The following PTPRD variants were observed in gnomAD, a reference collection of about 807,000 sequenced individuals.
The protein encoded by PTPRD is protein tyrosine phosphatase receptor type D.
Under a neutral mutation model 214.5 loss-of-function variants are expected in PTPRD, and 34 were observed. The ratio of observed to expected loss-of-function variants is 0.16; its 90% CI spans 0.12 to 0.21. The LOEUF is 0.21. Ranked by LOEUF, PTPRD falls within the 10% of genes least tolerant of loss-of-function variation. The probability of loss-of-function intolerance (pLI) is 1.00; values close to 1 mark genes in which losing one functional copy is unlikely to be tolerated. For synonymous variants in PTPRD, 1,128 were observed against 845.7 expected, an observed-to-expected ratio of 1.33 and a Z score of -5.79; for missense variants, 2,545 against 2,398.7, an observed-to-expected ratio of 1.06 and a Z score of -1.27.
intron 9 of PTPRD, among the ~76,000 whole-genome samples, chr9:9,227,532 A>G (rs2099960306): frequency 6.6e-6 from 1 of 152,140 alleles, no homozygotes; most frequent in Admixed American, 6.6e-5. Context: ...CCTCCCTATA[A>G]GAGACAAAGG....
intron 36 of PTPRD, among the ~76,000 whole-genome samples, chr9:8,396,523 C>CA (rs1442845629): frequency 1.3e-5 from 2 of 151,510 alleles, no homozygotes; most frequent in Non-Finnish European, 1.5e-5. Flanking sequence ...TTAAAAAAAA[C>CA]AAAAAAGCTC....
intron 5 of PTPRD, among the ~76,000 whole-genome samples, chr9:9,877,842 C>A: frequency 6.6e-6 from 1 of 151,594 alleles, no homozygotes; most frequent in African/African-American, 2.4e-5. Context: ...GCACGGTGGC[C>A]CATGCCTGTA....
At chr9:9,082,875 C>T (rs930468161) in intron 10 of PTPRD, among the ~76,000 whole-genome samples, 5 of 152,112 alleles carry the variant, frequency 3.3e-5, no homozygotes, top group Admixed American at 2.6e-4. Context: ...AGGAGAACTA[C>T]AAACCACTGC....
At chr9:8,403,249 G>A (rs996127542) in intron 36 of PTPRD, among the ~76,000 whole-genome samples, 3 of 152,132 alleles carry the variant, frequency 2.0e-5, no homozygotes, top group Non-Finnish European at 4.4e-5. Context: ...ACAGGTACTC[G>A]AACAACTACA....
At chr9:9,324,640 T>C (rs1268694230) in intron 9 of PTPRD, among the ~76,000 whole-genome samples, 1 of 152,208 alleles carries the variant, frequency 6.6e-6, no homozygotes, top group Non-Finnish European at 1.5e-5. Flanking sequence ...ATTCTGTAGG[T>C]TGCCTGTTCA....
chr9:9,884,086 G>A (rs2069844291), intron 5 of PTPRD, among the ~76,000 whole-genome samples: 1 of 151,922 alleles, frequency 6.6e-6, no homozygotes, highest in Non-Finnish European at 1.5e-5. Context: ...TGAACTAAAG[G>A]ATACGCAGTA....
intron 3 of PTPRD, among the ~76,000 whole-genome samples, chr9:10,199,406 G>C (rs1308408909): frequency 6.6e-6 from 1 of 152,006 alleles, no homozygotes. Context: ...TTTATGGGAA[G>C]TTTGACAGTA....
chr9:9,831,629 C>T (rs1376185035), intron 5 of PTPRD, among the ~76,000 whole-genome samples: 1 of 151,978 alleles, frequency 6.6e-6, no homozygotes, highest in Non-Finnish European at 1.5e-5. Flanking sequence ...CCAACTACCT[C>T]TCAATGTTCT....
chr9:8,832,394 G>T (rs6477358), intron 11 of PTPRD, among the ~76,000 whole-genome samples: 81,834 of 143,926 alleles, frequency 0.57, 24,456 homozygotes, highest in African/African-American at 0.73. Flanking sequence ...GTAAAGCAAG[G>T]GGCAGCTAAA....
At position 8,706,206 on chromosome 9, in the gene PTPRD, G is replaced by A. The variant is rs989189211; in HGVS notation, c.64+27574C>T. ...AAAAAGAAAACTGCCTCGTTTCCAA[G>A]GGATCTTGATCAAACCAAGCTTACT... is the stretch of plus-strand genomic sequence containing the variant. On this transcript the variant is annotated intron_variant, in intron 12 of 45. Coordinates refer to ENST00000381196, the MANE Select transcript of PTPRD (RefSeq NM_002839.4). 3.3e-5 allele frequency among the ~76,000 whole-genome samples: 5 copies of A among 152,202 alleles called. No homozygotes were observed. The South Asian group carries it at 6.2e-4, about 19-fold the overall frequency.
At chr9:9,988,216 G>T (rs572939807) in intron 4 of PTPRD, among the ~76,000 whole-genome samples, 1 of 152,200 alleles carries the variant, frequency 6.6e-6, no homozygotes, top group Non-Finnish European at 1.5e-5. Flanking sequence ...ATATGATAAA[G>T]CAAAACTTTT....
chr9:8,622,375 A>T (rs2154302110), intron 14 of PTPRD, among the ~76,000 whole-genome samples: 1 of 152,114 alleles, frequency 6.6e-6, no homozygotes, highest in South Asian at 2.1e-4. Context: ...CTTACATTTC[A>T]ACAAACCTTA....
chr9:10,435,976 C>T (rs1165325851), intron 2 of PTPRD, among the ~76,000 whole-genome samples: 1 of 151,738 alleles, frequency 6.6e-6, no homozygotes, highest in Non-Finnish European at 1.5e-5. Context: ...CACACAAATA[C>T]ACTGTACAGA....
chr9:10,180,972 C>A (rs965551664), intron 3 of PTPRD, among the ~76,000 whole-genome samples: 1 of 151,860 alleles, frequency 6.6e-6, no homozygotes, highest in Non-Finnish European at 1.5e-5. Context: ...AATGAATAAA[C>A]TTTAGAATTT....
chr9:9,947,379 T>TAAA (rs1240131838), intron 4 of PTPRD, among the ~76,000 whole-genome samples: 1 of 65,988 alleles, frequency 1.5e-5, no homozygotes, highest in Non-Finnish European at 2.6e-5. Flanking sequence ...ATATATTATA[T>TAAA]ATATTTTATA....
chr9:9,144,893 C>T (rs566096009), intron 10 of PTPRD, among the ~76,000 whole-genome samples: 43 of 152,238 alleles, frequency 2.8e-4, no homozygotes, highest in Admixed American at 7.8e-4. Flanking sequence ...TTAATTGCAT[C>T]TTTAAAGTAT....
intron 10 of PTPRD, among the ~76,000 whole-genome samples, chr9:9,046,866 G>T (rs1002356363): frequency 1.3e-5 from 2 of 151,934 alleles, no homozygotes; most frequent in Non-Finnish European, 2.9e-5. Flanking sequence ...ACATGACAAG[G>T]ATGCTCAATT....
chr9:9,191,116 A>T (rs551262266), intron 9 of PTPRD, among the ~76,000 whole-genome samples: 6 of 152,256 alleles, frequency 3.9e-5, no homozygotes, highest in African/African-American at 1.4e-4. Flanking sequence ...AGATTATAAA[A>T]AGACTGGGGC....
At chr9:10,232,167 G>A (rs1446110673) in intron 3 of PTPRD, among the ~76,000 whole-genome samples, 1 of 151,774 alleles carries the variant, frequency 6.6e-6, no homozygotes, top group East Asian at 2.0e-4. Flanking sequence ...AGATGACAGT[G>A]CCATGCCCCT....
Sources: gnomAD v4.1 joint callset for allele counts (sites outside exome capture counted in the v4.1 genomes callset) on GRCh38, gnomAD v4.1.1 for gene constraint, MANE v1.5 for transcripts, NCBI Gene and HGNC (gene_info 2026-07-23, HGNC 2026-07-21) for gene names.